The following DNAH8 variants were observed in gnomAD, a reference collection of about 807,000 sequenced individuals.
The protein encoded by DNAH8 is axonemal beta dynein heavy chain 8.
DNAH8 carries 382 observed loss-of-function variants against 562.1 expected under a neutral mutation model. The ratio of observed to expected loss-of-function variants is 0.68; its 90% CI spans 0.63 to 0.74. The LOEUF is 0.74. Among genes scored for constraint, DNAH8 ranks in the 30% least tolerant of loss-of-function variants. DNAH8 has a pLI of 0.00. For missense variants in DNAH8, 5,203 were observed against 5,620.4 expected, an observed-to-expected ratio of 0.93 and a Z score of 2.37; for synonymous variants, 1,881 against 1,919.4, an observed-to-expected ratio of 0.98 and a Z score of 0.52.
chr6:38,853,448 T>G, intron 41 of DNAH8, 101 bp downstream of exon 41: 1 of 1,324,016 alleles, frequency 7.6e-7, no homozygotes, highest in Non-Finnish European at 1.1e-6. Context: ...CAATTGTAGC[T>G]TTGAATTAGG....
intron 45 of DNAH8, among the ~76,000 whole-genome samples, chr6:38,864,805 T>A (rs937890687): frequency 6.6e-6 from 1 of 152,192 alleles, no homozygotes; most frequent in Non-Finnish European, 1.5e-5. Flanking sequence ...CTGAAGTGGA[T>A]ATTATATAGC....
rs773508854 is a variant in DNAH8, at chr6:38,924,210, T to G, written c.10962+48T>G. Reference sequence around the variant, plus strand: ...TATTTGAATTTCAGTCTCATTTTATTTCTTACTTACTGAGAAACCCGGCTG... The same window carrying G: ...TATTTGAATTTCAGTCTCATTTTATGTCTTACTTACTGAGAAACCCGGCTG... On this transcript the variant is annotated intron_variant, in intron 73 of 92. Transcript: ENST00000327475. 46 of 1,591,410 alleles carry G rather than the reference T, an allele frequency of 2.9e-5. 1 individual carries two copies. The highest frequency in any genetic ancestry group is 3.7e-5 in the Non-Finnish European group (43 of 1,166,366).
chr6:38,908,539 C>T (rs1780654120), intron 64 of DNAH8, among the ~76,000 whole-genome samples: 1 of 152,066 alleles, frequency 6.6e-6, no homozygotes, highest in Non-Finnish European at 1.5e-5. Context: ...GATTAATTAG[C>T]CTCATTTCTA....
intron 91 of DNAH8, among the ~76,000 whole-genome samples, chr6:39,021,624 T>C (rs1218630132): frequency 6.6e-6 from 1 of 152,250 alleles, no homozygotes; most frequent in Non-Finnish European, 1.5e-5. Context: ...AATTTACCAA[T>C]GAACTACATT....
intron 32 of DNAH8, among the ~76,000 whole-genome samples, chr6:38,835,191 A>G (rs1318879993): frequency 3.3e-5 from 5 of 152,124 alleles, no homozygotes; most frequent in Admixed American, 2.0e-4. Flanking sequence ...TTCCTATGTG[A>G]ACTTCCTCCT....
At chr6:38,993,754 C>T (rs1764951003) in intron 88 of DNAH8, among the ~76,000 whole-genome samples, 1 of 152,076 alleles carries the variant, frequency 6.6e-6, no homozygotes, top group African/African-American at 2.4e-5. Flanking sequence ...TTATTATCTT[C>T]CTCATATTTT....
At chr6:38,846,057 G>A (rs149353126) in intron 36 of DNAH8, among the ~76,000 whole-genome samples, 1 of 148,740 alleles carries the variant, frequency 6.7e-6, no homozygotes, top group African/African-American at 2.5e-5. Flanking sequence ...GCTCCCCACT[G>A]AGATGACCTC....
chr6:39,022,560 G>A (rs1766993868), intron 91 of DNAH8, among the ~76,000 whole-genome samples: 1 of 152,028 alleles, frequency 6.6e-6, no homozygotes, highest in Non-Finnish European at 1.5e-5. Flanking sequence ...TGCCTGCCCA[G>A]CCCTGCCCTG....
intron 42 of DNAH8, among the ~76,000 whole-genome samples, chr6:38,859,772 C>T (rs1295136420): frequency 6.6e-6 from 1 of 152,222 alleles, no homozygotes; most frequent in Non-Finnish European, 1.5e-5. Context: ...ATGCTGATGA[C>T]TAGGCAGATT....
At position 38,866,603 on chromosome 6, in the gene DNAH8, G is replaced by T. The variant is rs761670160; in HGVS notation, c.6511G>T (p.Ala2171Ser). 25 of 1,608,910 alleles carry T rather than the reference G, an allele frequency of 1.6e-5. No individual in the cohort carries two copies. Among genetic ancestry groups the T allele is most frequent in the Non-Finnish European group, 1.4e-5 (17 of 1,178,404 alleles). The change falls in exon 46 of 93, where the codon GCT (alanine) becomes TCT (serine). Residue 2171 changes from alanine to serine, a missense_variant. Ala to Ser is a moderately conservative substitution (Grantham distance 99, BLOSUM62 1). Coordinates refer to ENST00000327475, the MANE Select transcript of DNAH8 (RefSeq NM_001206927.2). ...TTTTAACTTTTAGAACCCTGGATAT[G>T]CTGGGCGCCAGGAACTACCAGAAAA... ...GIFLTMNPGY[A>S]GRQELPENLK...
intron 22 of DNAH8, 129 bp from the exon 23 acceptor site, chr6:38,805,352 T>G: frequency 1.6e-6 from 1 of 624,656 alleles, no homozygotes; most frequent in Non-Finnish European, 2.9e-6. Context: ...GCGAAAAGCA[T>G]TTTTCAAAAA....
At chr6:38,927,750 C>G (rs1373139451) in intron 74 of DNAH8, among the ~76,000 whole-genome samples, 1 of 152,122 alleles carries the variant, frequency 6.6e-6, no homozygotes, top group Non-Finnish European at 1.5e-5. Flanking sequence ...GCTATTTTTT[C>G]TGATCTTAGC....
intron 14 of DNAH8, among the ~76,000 whole-genome samples, chr6:38,778,796 A>G (rs1768305782): frequency 6.6e-6 from 1 of 152,220 alleles, no homozygotes; most frequent in Non-Finnish European, 1.5e-5. Context: ...TTACTTCTAC[A>G]TACTGAAAGA....
At chr6:38,721,424 A>G (rs2127562508) in intron 1 of DNAH8, among the ~76,000 whole-genome samples, 1 of 152,182 alleles carries the variant, frequency 6.6e-6, no homozygotes, top group African/African-American at 2.4e-5. Flanking sequence ...GGAGGGTCAC[A>G]AGCCTGGGAG....
chr6:38,790,011 C>T, intron 19 of DNAH8, 128 bp downstream of exon 19: 2 of 660,560 alleles, frequency 3.0e-6, no homozygotes, highest in South Asian at 2.3e-5. Context: ...AATTTTATAG[C>T]TCTGTTTTTT....
At chr6:38,864,118 A>G in intron 45 of DNAH8, 58 bp downstream of exon 45, 1 of 1,514,740 alleles carries the variant, frequency 6.6e-7, no homozygotes, top group Non-Finnish European at 9.0e-7. Context: ...GACATAAATA[A>G]AACAAAGCAT....
At chr6:38,868,254 G>A (rs1777210492) in intron 48 of DNAH8, 58 bp downstream of exon 48, 3 of 1,514,334 alleles carry the variant, frequency 2.0e-6, no homozygotes, top group Admixed American at 1.9e-5. Flanking sequence ...TTTCTATTTG[G>A]TGGACAAGTA....
intron 43 of DNAH8, among the ~76,000 whole-genome samples, chr6:38,861,146 ATGT>A (rs1033208179): frequency 2.0e-5 from 3 of 152,234 alleles, no homozygotes; most frequent in African/African-American, 4.8e-5. Context: ...CATTCAATAA[ATGT>A]TGTTAGAATT....
chr6:38,829,412 C>G (rs2150349463), intron 30 of DNAH8, among the ~76,000 whole-genome samples: 1 of 152,222 alleles, frequency 6.6e-6, no homozygotes, highest in Middle Eastern at 3.4e-3. Context: ...ATTGCCCAAT[C>G]TAGAGTTACA....
Sources: allele counts gnomAD v4.1 joint callset (sites outside exome capture counted in the v4.1 genomes callset), GRCh38; gene constraint gnomAD v4.1.1; transcripts MANE v1.5; gene names NCBI Gene and HGNC (gene_info 2026-07-23, HGNC 2026-07-21).